Variants in GPHN observed in about 807,000 individuals in gnomAD.
GPHN encodes the protein gephyrin.
A neutral mutation model predicts 95.5 loss-of-function variants in GPHN; 17 were observed. The ratio of observed to expected loss-of-function variants is 0.18; its 90% CI spans 0.12 to 0.27. The LOEUF (loss-of-function observed/expected upper bound fraction) is 0.27. GPHN is among the 10% of genes least tolerant of loss of function. The pLI is 1.00. For missense variants in GPHN, 660 were observed against 978.1 expected, an observed-to-expected ratio of 0.67 and a Z score of 4.34; for synonymous variants, 320 against 322.5, an observed-to-expected ratio of 0.99 and a Z score of 0.08.
At chr14:66,693,176 T>C (rs1245740930) in intron 2 of GPHN, among the ~76,000 whole-genome samples, 4 of 152,296 alleles carry the variant, frequency 2.6e-5, no homozygotes, top group Middle Eastern at 3.5e-3. Context: ...TAATAAAAGA[T>C]AGCTAAATTT....
chr14:67,383,028 G>A, the GPHN span, among the ~76,000 whole-genome samples: 1 of 152,058 alleles, frequency 6.6e-6, no homozygotes, highest in African/African-American at 2.4e-5. Flanking sequence ...GGTCTTGAAA[G>A]ATACAGCCAT....
chr14:67,567,311 G>C, the GPHN span, among the ~76,000 whole-genome samples: 10 of 152,194 alleles, frequency 6.6e-5, no homozygotes, highest in African/African-American at 2.4e-4. Flanking sequence ...ATGTATCTTA[G>C]AGTTTGGAAA....
intron 4 of GPHN, among the ~76,000 whole-genome samples, chr14:66,844,057 T>C (rs1356199559): frequency 6.6e-6 from 1 of 152,080 alleles, no homozygotes; most frequent in Non-Finnish European, 1.5e-5. Flanking sequence ...AAAAGCATCA[T>C]CTCTAAAAAT....
At chr14:67,290,451 A>G in the GPHN span, among the ~76,000 whole-genome samples, 5 of 152,106 alleles carry the variant, frequency 3.3e-5, no homozygotes, top group African/African-American at 7.2e-5. Context: ...TGCCCAGGCT[A>G]GAGTGCAGTA....
the GPHN span, among the ~76,000 whole-genome samples, chr14:67,367,053 T>G: frequency 1.3e-5 from 2 of 152,082 alleles, no homozygotes; most frequent in Non-Finnish European, 2.9e-5. Context: ...GGAGATCCCC[T>G]AAGTCTATAT....
chr14:66,901,282 T>A (rs767252968), intron 5 of GPHN, among the ~76,000 whole-genome samples: 10 of 151,266 alleles, frequency 6.6e-5, no homozygotes, highest in Non-Finnish European at 1.5e-4. Context: ...TAGTTATTAA[T>A]CCTTTGTCAG....
chr14:66,945,902 A>C (rs2067717870), intron 8 of GPHN, among the ~76,000 whole-genome samples: 1 of 152,230 alleles, frequency 6.6e-6, no homozygotes. Context: ...CTGTGCTTAA[A>C]GAACAAACTT....
the GPHN span, among the ~76,000 whole-genome samples, chr14:67,666,861 G>A: frequency 2.6e-5 from 4 of 152,082 alleles, no homozygotes; most frequent in East Asian, 5.8e-4. Flanking sequence ...TACAACTGAG[G>A]GGCATTTTTG....
chr14:66,818,943 C>A (rs1387519721), intron 3 of GPHN, among the ~76,000 whole-genome samples: 1 of 151,470 alleles, frequency 6.6e-6, no homozygotes, highest in Non-Finnish European at 1.5e-5. Context: ...TGGGTTTTTT[C>A]CCTGTAAATT....
chr14:67,682,460 T>G, the GPHN span, among the ~76,000 whole-genome samples: 11 of 152,148 alleles, frequency 7.2e-5, no homozygotes, highest in African/African-American at 2.7e-4. Context: ...TTGATAGACA[T>G]TTCCCCAACA....
At chr14:66,555,804 CT>C (rs1677477476) in intron 1 of GPHN, among the ~76,000 whole-genome samples, 1 of 151,914 alleles carries the variant, frequency 6.6e-6, no homozygotes, top group Admixed American at 6.6e-5. Flanking sequence ...AAAAAAACCC[CT>C]ACTTTAATGG....
chr14:67,594,770 CAAAT>C, the GPHN span, among the ~76,000 whole-genome samples: 11 of 152,186 alleles, frequency 7.2e-5, no homozygotes, highest in East Asian at 7.7e-4. Flanking sequence ...TTCTAGCACT[CAAAT>C]AAAAAATTAA....
At chr14:67,657,921 G>T in the GPHN span, among the ~76,000 whole-genome samples, 42 of 151,962 alleles carry the variant, frequency 2.8e-4, no homozygotes, top group Non-Finnish European at 5.2e-4. Context: ...GCTAATTTTT[G>T]TATTTTTAGT....
chr14:66,636,267 G>A (rs1566740754), intron 1 of GPHN, among the ~76,000 whole-genome samples: 1 of 151,978 alleles, frequency 6.6e-6, no homozygotes, highest in Non-Finnish European at 1.5e-5. Context: ...TAAGAAGCCT[G>A]CCATGATTTT....
At chr14:67,213,705 G>A in the GPHN span, among the ~76,000 whole-genome samples, 1 of 152,094 alleles carries the variant, frequency 6.6e-6, no homozygotes, top group South Asian at 2.1e-4. Flanking sequence ...GGGTCAAATG[G>A]TATTTCTAGT....
chr14:66,793,588 CATAT>C (rs1006021171), intron 3 of GPHN, among the ~76,000 whole-genome samples: 1 of 151,788 alleles, frequency 6.6e-6, no homozygotes, highest in African/African-American at 2.4e-5. Context: ...TGTGCATATA[CATAT>C]ATATATCTGT....
chr14:67,470,673 G>T, the GPHN span: 1 of 152,876 alleles, frequency 6.5e-6, no homozygotes. Flanking sequence ...GGACTCCCTA[G>T]GTATTATTGC....
Position 66,757,959 on chromosome 14 carries a change from G to A in GPHN, c.144-18505G>A, listed in dbSNP as rs148590993. Among the ~76,000 whole-genome samples, 1,388 of 152,286 alleles carry A rather than the reference G, an allele frequency of 9.1e-3. 24 individuals carry two copies. Among genetic ancestry groups the A allele is most frequent in the African/African-American group, 0.03 (1,258 of 41,546 alleles). ...CTCAGCCAAGAGGGGATGTGGTGGG[G>A]AGGGGTGTTTCCCCCACCCAAAGGT... On this transcript the variant is annotated intron_variant, in intron 2 of 22. Coordinates refer to ENST00000478722, the MANE Select transcript of GPHN (RefSeq NM_020806.5).
chr14:66,696,168 C>A (rs1458869056), intron 2 of GPHN, among the ~76,000 whole-genome samples: 1 of 152,050 alleles, frequency 6.6e-6, no homozygotes, highest in Non-Finnish European at 1.5e-5. Context: ...CTATGAATTT[C>A]TTTTTCCTTT....
Sources: gnomAD v4.1 joint callset for allele counts (sites outside exome capture counted in the v4.1 genomes callset) on GRCh38, gnomAD v4.1.1 for gene constraint, MANE v1.5 for transcripts, NCBI Gene and HGNC (gene_info 2026-07-23, HGNC 2026-07-21) for gene names.